SIGLEC5: variants seen among roughly 807,000 people sequenced by gnomAD.
SIGLEC5 encodes sialic acid-binding Ig-like lectin 5.
A neutral mutation model predicts 45.9 loss-of-function variants in SIGLEC5; 34 were observed. The observed-to-expected ratio is 0.74, with a 90% confidence interval of 0.56 to 0.99. The LOEUF is 0.99. Ranked by LOEUF, SIGLEC5 falls within the 50% of genes least tolerant of loss-of-function variation. The pLI, the probability that SIGLEC5 is intolerant of heterozygous loss-of-function variation, is 0.00. For missense variants in SIGLEC5, 508 were observed against 629.6 expected (o/e 0.81, Z 2.07); for synonymous variants, 203 against 258.6 (o/e 0.79, Z 2.06).
intron 8 of SIGLEC5, among the ~76,000 whole-genome samples, chr19:51,619,281 C>A (rs1983191743): frequency 6.6e-6 from 1 of 152,072 alleles, no homozygotes; most frequent in African/African-American, 2.4e-5. Context: ...GGGGTTTCAC[C>A]ATATTGGCCA....
intron 4 of SIGLEC5, 145 bp downstream of exon 4, chr19:51,628,893 G>A (rs770062058): frequency 1.2e-5 from 9 of 770,438 alleles, no homozygotes; most frequent in Non-Finnish European, 2.0e-5. Context: ...CTGCACATGG[G>A]GCTCACAGAA....
chr19:51,616,131 C>A (rs1983046054), intron 8 of SIGLEC5, among the ~76,000 whole-genome samples: 1 of 152,204 alleles, frequency 6.6e-6, no homozygotes, highest in African/African-American at 2.4e-5. Flanking sequence ...CTGCCCTTCC[C>A]TCATTCAAGA....
At position 51,613,346 on chromosome 19, in the gene SIGLEC5, C is replaced by T. The variant is rs1255312436; in HGVS notation, c.1465-924G>A. Among the ~76,000 whole-genome samples, 3 of 152,138 alleles carry T rather than the reference C, an allele frequency of 2.0e-5. No homozygotes were observed. The East Asian group carries it at 5.8e-4, about 29-fold the overall frequency. On this transcript the variant is annotated intron_variant, in intron 8 of 8. Coordinates refer to ENST00000683636, the MANE Select transcript of SIGLEC5 (RefSeq NM_003830.4). ...TTATGACCACTCCCCAAAGAGAGAC[C>T]TCAACACCAAATAAGAGAAAAATAC...
intron 8 of SIGLEC5, among the ~76,000 whole-genome samples, chr19:51,622,574 G>T (rs1983332545): frequency 6.6e-6 from 1 of 152,108 alleles, no homozygotes; most frequent in South Asian, 2.1e-4. Flanking sequence ...AGACAGTGAT[G>T]ACTCAGGGAC....
chr19:51,620,179 G>T (rs1983231053), intron 8 of SIGLEC5, among the ~76,000 whole-genome samples: 1 of 152,028 alleles, frequency 6.6e-6, no homozygotes, highest in African/African-American at 2.4e-5. Context: ...GGCCCAGGTA[G>T]TTTGATAAGT....
intron 8 of SIGLEC5, among the ~76,000 whole-genome samples, chr19:51,618,443 T>TA (rs1228951315): frequency 0.22 from 10,928 of 49,402 alleles, 2,022 homozygotes; most frequent in East Asian, 0.4. Context: ...AGACCCTGCC[T>TA]AAAAAAAAAA....
rs374818540 is a variant in SIGLEC5, at chr19:51,629,499, G to A, written c.559C>T (p.Pro187Ser). 9.9e-6 allele frequency: 16 copies of A among 1,608,942 alleles called. No homozygotes were observed. The African/African-American group carries it at 1.6e-4, about 16-fold the overall frequency. Residue 187 changes from proline to serine, a missense_variant, in exon 3 of 9, where the codon CCC (proline) becomes TCC (serine). By Grantham distance (74) the Pro-to-Ser change is moderately conservative. Coordinates refer to ENST00000683636, the MANE Select transcript of SIGLEC5 (RefSeq NM_003830.4). ...TFSWTGNALS[P>S]LDPETTRSSE... is the part of the protein sequence containing the mutation. The stretch of plus-strand genomic sequence containing the variant: ...GAGCGGGTGGTCTCGGGGTCCAGGG[G>A]GCTGAGGGCATTCCCCGTCCAGGAG...
At position 51,616,665 on chromosome 19, in the gene SIGLEC5, A is replaced by G. The variant is rs146742020; in HGVS notation, c.1465-4243T>C. 7.2e-4 allele frequency among the ~76,000 whole-genome samples: 110 copies of G among 151,992 alleles called. No homozygotes were observed. The South Asian group carries it at 0.011, about 15-fold the overall frequency. On this transcript the variant is annotated intron_variant, in intron 8 of 8. Transcript: ENST00000683636. ...GGTGGCTCATGCCTGTAATCCTAGCACTTTGGAAGGCCAAGGCAGGCAGAT... is the reference window on the plus strand; with the variant it reads ...GGTGGCTCATGCCTGTAATCCTAGCGCTTTGGAAGGCCAAGGCAGGCAGAT...
rs3829656 is a variant in SIGLEC5, at chr19:51,612,015, T to G, written c.*216A>C. 0.019 allele frequency: 7,062 copies of G among 363,376 alleles called. 241 individuals carry two copies. Among genetic ancestry groups the G allele is most frequent in the East Asian group, 0.13 (2,741 of 21,888 alleles). 22.5% of individuals were successfully genotyped at this position (363,376 alleles called of 1,614,324 possible). ...ATCTCTGATTTACAGAATGGGAAAC[T>G]GAGGCACAGAGGGATGCAGTGAATT... On this transcript the variant is annotated 3_prime_UTR_variant, in exon 9 of 9. Coordinates refer to ENST00000683636, the MANE Select transcript of SIGLEC5 (RefSeq NM_003830.4).
At chr19:51,620,805 A>T (rs1234909868) in intron 8 of SIGLEC5, among the ~76,000 whole-genome samples, 1 of 152,210 alleles carries the variant, frequency 6.6e-6, no homozygotes. Flanking sequence ...TAATCATCTA[A>T]TTTGAAATCC....
chr19:51,612,283 TC>T lies in SIGLEC5; in HGVS notation c.1603del (p.Asp535ThrfsTer54), dbSNP rs1321909898. On this transcript the variant is annotated frameshift_variant, in exon 9 of 9. Transcript: ENST00000683636. LOFTEE classifies it low-confidence loss of function (END_TRUNC). ...CTCCGTGGTGCTTGGGGCCTCCTGG[TC>T]CTTAGGCTCCCTCGACTTCATCTCA... ...FSEMKSREPK[D>X]QEAPSTTEYS... 10 of 1,612,498 alleles carry T rather than the reference TC, an allele frequency of 6.2e-6. No individual in the cohort carries two copies. Among genetic ancestry groups the T allele is most frequent in the Non-Finnish European group, 8.5e-6 (10 of 1,179,436 alleles).
chr19:51,627,603 A>G lies in SIGLEC5; in HGVS notation c.1141T>C (p.Phe381Leu). 2 of 1,613,818 alleles carry G rather than the reference A, an allele frequency of 1.2e-6. No homozygotes were observed. Among genetic ancestry groups the G allele is most frequent in the Non-Finnish European group, 1.7e-6 (2 of 1,180,000 alleles). Residue 381 changes from phenylalanine (F) to leucine (L), a missense_variant, in exon 6 of 9, where the codon TTC becomes CTC. Around this residue, in one of 2 missense-constraint regions of SIGLEC5, gnomAD observed 431 missense variants for 428.8 expected, o/e 1.01. Coordinates refer to ENST00000683636, the MANE Select transcript of SIGLEC5 (RefSeq NM_003830.4). ...PLEGNSSQGS[F>L]KVNSSSAGPW... ...CCAGCTGAGCTGGAGTTGACCTTGA[A>G]TGAGCCCTGGCTGCTGTTCCCCTCC...
chr19:51,627,741 G>A lies in SIGLEC5; in HGVS notation c.1003C>T (p.Pro335Ser). 6.3e-7 allele frequency: 1 copy of A among 1,582,346 alleles called. No individual in the cohort carries two copies. The highest frequency in any genetic ancestry group is 8.6e-7 in the Non-Finnish European group (1 of 1,161,972). ...IFLNLSVYSL[P>S]QLLGPSCSWE... ...GAGCAGGAGGGGCCCAGCAACTGTG[G>A]GAGGGCTGTGGGGAGGGAGGACAGA... is the stretch of plus-strand genomic sequence containing the variant. Residue 335 changes from proline (P) to serine (S), a missense_variant, in exon 6 of 9, where the codon CCA becomes TCA. Pro to Ser is a moderately conservative substitution (Grantham distance 74, BLOSUM62 -1). This residue lies in a region of SIGLEC5 where 431 missense variants were observed against 428.8 expected (regional missense o/e 1.01). Coordinates refer to ENST00000683636, the MANE Select transcript of SIGLEC5 (RefSeq NM_003830.4).
At chr19:51,628,583 G>A (rs979030500) in intron 4 of SIGLEC5, among the ~76,000 whole-genome samples, 11 of 151,922 alleles carry the variant, frequency 7.2e-5, no homozygotes, top group African/African-American at 2.4e-4. Context: ...ACCTGTGTGC[G>A]TGTGTGTGTG....
chr19:51,612,350 C>A lies in SIGLEC5; in HGVS notation c.1537G>T (p.Glu513Ter). The change falls in exon 9 of 9, where the codon GAA (glutamate) becomes TAA (stop). Residue 513 changes from glutamate (E) to a stop codon, truncating the protein, a stop_gained. Coordinates refer to ENST00000683636, the MANE Select transcript of SIGLEC5 (RefSeq NM_003830.4). LOFTEE classifies it low-confidence loss of function (END_TRUNC). ...ASPPGDAPPL[E>*]EQKELHYASL... The stretch of plus-strand genomic sequence containing the variant: ...GCATAATGGAGCTCCTTTTGTTCTT[C>A]CAAGGGAGGGGCATCCCCAGGAGGA... The A allele has an allele frequency of 6.2e-7, 1 of 1,613,450 alleles. No homozygotes were observed.
At chr19:51,620,561 A>T (rs1264549583) in intron 8 of SIGLEC5, among the ~76,000 whole-genome samples, 1 of 152,226 alleles carries the variant, frequency 6.6e-6, no homozygotes, top group Non-Finnish European at 1.5e-5. Context: ...AGTTTAGGAT[A>T]AAAACTTATT....
At chr19:51,618,036 G>A (rs1158085778) in intron 8 of SIGLEC5, among the ~76,000 whole-genome samples, 1 of 150,358 alleles carries the variant, frequency 6.7e-6, no homozygotes, top group Non-Finnish European at 1.5e-5. Context: ...GGGCTCAAGC[G>A]ATGCTCCTAC....
intron 7 of SIGLEC5, among the ~76,000 whole-genome samples, chr19:51,626,324 T>C (rs1185498883): frequency 6.6e-6 from 1 of 152,134 alleles, no homozygotes; most frequent in Non-Finnish European, 1.5e-5. Context: ...ATTTCCATCA[T>C]ATAGACCCCC....
chr19:51,624,533 C>A (rs1458763653), intron 8 of SIGLEC5, among the ~76,000 whole-genome samples: 2 of 152,092 alleles, frequency 1.3e-5, no homozygotes. Context: ...ACAGCTTGGT[C>A]ATGAACTAAG....
Sources: gnomAD v4.1 joint callset for allele counts (sites outside exome capture counted in the v4.1 genomes callset) on GRCh38, gnomAD v4.1.1 for gene constraint, gnomAD v4.1.1 regional missense constraint, MANE v1.5 for transcripts, NCBI Gene and HGNC (gene_info 2026-07-23, HGNC 2026-07-21) for gene names.